ARSB: variants seen among roughly 807,000 people sequenced by gnomAD.
ARSB encodes the protein arylsulfatase B.
A neutral mutation model predicts 50.9 loss-of-function variants in ARSB; 41 were observed. That is an observed-to-expected ratio of 0.81 (90% CI 0.63 to 1.04). The LOEUF (loss-of-function observed/expected upper bound fraction) is 1.04, where lower values mean the gene tolerates loss of function less well. Ranked by LOEUF, ARSB falls within the 50% of genes least tolerant of loss-of-function variation. The pLI, the probability that ARSB is intolerant of heterozygous loss-of-function variation, is 0.00. For missense variants in ARSB, 672 were observed against 693.3 expected (o/e 0.97, Z 0.35); for synonymous variants, 269 against 284.8 (o/e 0.94, Z 0.56).
intron 3 of ARSB, among the ~76,000 whole-genome samples, chr5:78,963,603 G>C (rs907634499): frequency 2.0e-5 from 3 of 152,114 alleles, no homozygotes; most frequent in East Asian, 3.8e-4. Context: ...GCTAAATCCA[G>C]AGAACTTAGC....
intron 5 of ARSB, among the ~76,000 whole-genome samples, chr5:78,842,100 C>A (rs1433686712): frequency 2.1e-5 from 2 of 96,628 alleles, no homozygotes; most frequent in Non-Finnish European, 4.5e-5. Flanking sequence ...CCTCCACCAC[C>A]ACACACACAC....
At chr5:78,858,643 G>A (rs2112087466) in intron 5 of ARSB, among the ~76,000 whole-genome samples, 1 of 152,250 alleles carries the variant, frequency 6.6e-6, no homozygotes, top group East Asian at 1.9e-4. Context: ...CACCCTGAAA[G>A]GCAGTATCAA....
intron 1 of ARSB, among the ~76,000 whole-genome samples, chr5:78,974,729 T>C (rs1438668268): frequency 2.6e-5 from 4 of 152,192 alleles, no homozygotes; most frequent in Admixed American, 2.6e-4. Flanking sequence ...AATCTGGAAT[T>C]GTTTCTTTAA....
Position 78,985,292 on chromosome 5 carries a change from C to T in ARSB, c.-44G>A. On this transcript the variant is annotated 5_prime_UTR_variant, in exon 1 of 8. Transcript: ENST00000264914. ...CCAGCGCCTGTGGCGCCACCAGCCC[C>T]TTGTACCGCTGATAGAATGAGGAAC... 6 of 1,259,056 alleles carry T rather than the reference C, an allele frequency of 4.8e-6. No homozygotes were observed. Among genetic ancestry groups the T allele is most frequent in the Non-Finnish European group, 6.0e-6 (6 of 1,004,402 alleles). The allele number at this position is 1,259,056 out of a possible 1,614,324, so 78.0% of individuals were successfully genotyped here.
intron 1 of ARSB, among the ~76,000 whole-genome samples, chr5:78,975,501 T>C (rs528740744): frequency 2.0e-5 from 3 of 152,338 alleles, no homozygotes; most frequent in Non-Finnish European, 2.9e-5. Context: ...GAATGAAACC[T>C]TGGAGTCATC....
At chr5:78,946,898 C>A (rs1035635251) in intron 4 of ARSB, among the ~76,000 whole-genome samples, 4 of 152,008 alleles carry the variant, frequency 2.6e-5, no homozygotes, top group African/African-American at 9.7e-5. Context: ...GTTATAGTAA[C>A]CAAAACAGCA....
chr5:78,931,644 G>T (rs1359055898), intron 4 of ARSB, among the ~76,000 whole-genome samples: 1 of 150,122 alleles, frequency 6.7e-6, no homozygotes, highest in Non-Finnish European at 1.5e-5. Flanking sequence ...AAATTTTGTA[G>T]AGAGTCATGT....
intron 6 of ARSB, among the ~76,000 whole-genome samples, chr5:78,806,591 T>C (rs115218136): frequency 5.1e-4 from 78 of 152,318 alleles, no homozygotes; most frequent in African/African-American, 1.8e-3. Context: ...ATTAAGTTCC[T>C]TGTCAGTCAC....
chr5:78,984,923 G>T lies in ARSB; in HGVS notation c.312+14C>A, dbSNP rs1293997321. 1 of 1,331,144 alleles carries T rather than the reference G, an allele frequency of 7.5e-7. No homozygotes were observed. The highest frequency in any genetic ancestry group is 9.6e-7 in the Non-Finnish European group (1 of 1,042,918). The allele number at this position is 1,331,144 out of a possible 1,614,324, so 82.5% of individuals were successfully genotyped here. A position where few individuals can be genotyped will look rare whatever the true frequency, so the allele number is the denominator to read the frequency against. ...CGGGGCGGGGGCGGCGCGGGCGGCG[G>T]GGGCGCCGCGTACCTGGTAGCGGCC... On this transcript the variant is annotated intron_variant, in intron 1 of 7. Transcript: ENST00000264914.
At chr5:78,876,907 C>T (rs148887760) in intron 5 of ARSB, among the ~76,000 whole-genome samples, 196 of 152,230 alleles carry the variant, frequency 1.3e-3, no homozygotes, top group African/African-American at 4.4e-3. Flanking sequence ...CTGTGAACTG[C>T]GCATGCGAGG....
chr5:78,948,229 C>T (rs993585649), intron 4 of ARSB, among the ~76,000 whole-genome samples: 4 of 152,048 alleles, frequency 2.6e-5, no homozygotes, highest in Non-Finnish European at 4.4e-5. Flanking sequence ...TATTTAATAA[C>T]ACAATAGGGT....
chr5:78,791,194 T>G (rs867941291), intron 6 of ARSB, among the ~76,000 whole-genome samples: 2 of 152,328 alleles, frequency 1.3e-5, no homozygotes, highest in South Asian at 4.1e-4. Flanking sequence ...ACACCCCAGC[T>G]GTCCCAGAAA....
chr5:78,783,593 T>C (rs1243676119), intron 6 of ARSB: 3 of 152,144 alleles, frequency 2.0e-5, no homozygotes, highest in Non-Finnish European at 4.4e-5. Flanking sequence ...GTACTTGAGG[T>C]GCATGAGCAT....
Position 78,792,898 on chromosome 5 carries a change from T to C in ARSB, c.1214-10924A>G, listed in dbSNP as rs144895929. Among the ~76,000 whole-genome samples the C allele has an allele frequency of 1.8e-3, 275 of 152,282 alleles. 2 individuals are homozygous for C. The highest frequency in any genetic ancestry group is 6.1e-3 in the African/African-American group (255 of 41,544). ...AACCAGCTGCAAAGGGAACGAGGTATTGTTAGAAAATTATGTGGGGAATAT... is the reference window on the plus strand; with the variant it reads ...AACCAGCTGCAAAGGGAACGAGGTACTGTTAGAAAATTATGTGGGGAATAT... On this transcript the variant is annotated intron_variant, in intron 6 of 7. Coordinates refer to ENST00000264914, the MANE Select transcript of ARSB (RefSeq NM_000046.5).
intron 4 of ARSB, among the ~76,000 whole-genome samples, chr5:78,937,357 T>C (rs188625678): frequency 3.7e-4 from 47 of 126,502 alleles, no homozygotes; most frequent in Admixed American, 2.9e-3. Flanking sequence ...ATCATATATA[T>C]GTAAGATATA....
At chr5:78,959,364 C>T (rs1048863403) in intron 3 of ARSB, among the ~76,000 whole-genome samples, 5 of 151,792 alleles carry the variant, frequency 3.3e-5, no homozygotes, top group Non-Finnish European at 5.9e-5. Context: ...CTGCAAAAAC[C>T]CTCAGCTCAC....
intron 6 of ARSB, among the ~76,000 whole-genome samples, chr5:78,785,308 C>G (rs1349651138): frequency 6.6e-6 from 1 of 152,108 alleles, no homozygotes; most frequent in Non-Finnish European, 1.5e-5. Flanking sequence ...TATCCAAGCA[C>G]CAATGTAAAA....
intron 2 of ARSB, among the ~76,000 whole-genome samples, chr5:78,968,205 T>C (rs1194001049): frequency 6.6e-6 from 1 of 151,224 alleles, no homozygotes; most frequent in African/African-American, 2.4e-5. Context: ...AGAATGCCAA[T>C]GGAAGAGTCT....
intron 4 of ARSB, among the ~76,000 whole-genome samples, chr5:78,931,965 G>A (rs533018088): frequency 1.4e-4 from 22 of 152,008 alleles, no homozygotes; most frequent in Admixed American, 9.2e-4. Flanking sequence ...TTTCCCTTCC[G>A]CCGTGATTGT....
Sources: gnomAD v4.1 joint callset for allele counts (sites outside exome capture counted in the v4.1 genomes callset) on GRCh38, gnomAD v4.1.1 for gene constraint, MANE v1.5 for transcripts, NCBI Gene and HGNC (gene_info 2026-07-23, HGNC 2026-07-21) for gene names.